Variants in EMC2 observed in about 807,000 individuals in gnomAD.
EMC2 encodes the protein ER membrane protein complex subunit 2.
Under a neutral mutation model 51.6 loss-of-function variants are expected in EMC2, and 37 were observed. The ratio of observed to expected loss-of-function variants is 0.72; its 90% CI spans 0.55 to 0.94. EMC2 has a LOEUF of 0.94. EMC2 is among the 40% of genes least tolerant of loss of function. The pLI is 0.00. For synonymous variants in EMC2, 131 were observed against 112.4 expected (o/e 1.17, Z -1.04); for missense variants, 359 against 350.9 (o/e 1.02, Z -0.18).
At chr8:108,451,896 T>A (rs146714875) in intron 3 of EMC2, among the ~76,000 whole-genome samples, 3 of 152,330 alleles carry the variant, frequency 2.0e-5, no homozygotes, top group Admixed American at 6.5e-5. Context: ...AATGAACATA[T>A]CTTCACTTTT....
chr8:108,471,082 G>A (rs1208052307), intron 7 of EMC2: 1 of 151,872 alleles, frequency 6.6e-6, no homozygotes. Context: ...CTATATTCTA[G>A]GAACTGTTTT....
Position 108,468,351 on chromosome 8 carries a change from G to A in EMC2, c.364-1475G>A, listed in dbSNP as rs766972800. On this transcript the variant is annotated intron_variant, in intron 5 of 10. Coordinates refer to ENST00000220853, the MANE Select transcript of EMC2 (RefSeq NM_014673.5). ...TTGTGGCACATTTTTGTTTTACTTA[G>A]TAAACTTATTTTAAAAATATTTGCT... 1.9e-4 allele frequency among the ~76,000 whole-genome samples: 29 copies of A among 152,154 alleles called. No individual in the cohort carries two copies. The South Asian group carries it at 3.5e-3, about 18-fold the overall frequency.
intron 5 of EMC2, among the ~76,000 whole-genome samples, chr8:108,459,380 G>A (rs561973538): frequency 6.6e-6 from 1 of 152,226 alleles, no homozygotes; most frequent in South Asian, 2.1e-4. Context: ...ACATACCCGA[G>A]AAGACTGGGC....
intron 4 of EMC2, among the ~76,000 whole-genome samples, chr8:108,453,380 T>C (rs1180844306): frequency 1.3e-5 from 2 of 152,178 alleles, no homozygotes; most frequent in Non-Finnish European, 2.9e-5. Context: ...AAAATTGCGT[T>C]ATTTTACCTT....
chr8:108,470,902 C>T (rs1586188742), intron 7 of EMC2: 1 of 152,016 alleles, frequency 6.6e-6, no homozygotes, highest in Non-Finnish European at 1.5e-5. Flanking sequence ...AATATTTAAC[C>T]TTGTTCTCAT....
Position 108,463,258 on chromosome 8 carries a change from G to C in EMC2, c.364-6568G>C, listed in dbSNP as rs1045738683. Among the ~76,000 whole-genome samples the C allele has an allele frequency of 3.3e-5, 5 of 152,346 alleles. No homozygotes were observed. The South Asian group carries it at 1.0e-3, about 32-fold the overall frequency. On this transcript the variant is annotated intron_variant, in intron 5 of 10. Coordinates refer to ENST00000220853, the MANE Select transcript of EMC2 (RefSeq NM_014673.5). ...AAATAGGATATATTTTGAAGGAGATGAGAAAAGTAATTTGGAGGCTGTTCT... is the reference window on the plus strand; with the variant it reads ...AAATAGGATATATTTTGAAGGAGATCAGAAAAGTAATTTGGAGGCTGTTCT...
intron 10 of EMC2, among the ~76,000 whole-genome samples, chr8:108,483,260 G>T (rs1272736009): frequency 6.6e-6 from 1 of 152,102 alleles, no homozygotes; most frequent in Non-Finnish European, 1.5e-5. Flanking sequence ...TAATTTACAT[G>T]TAATCAAGTG....
intron 1 of EMC2, 58 bp from the exon 2 acceptor site, chr8:108,449,765 G>C: frequency 1.4e-6 from 1 of 689,858 alleles, no homozygotes; most frequent in Non-Finnish European, 2.5e-6. Context: ...ACATCTATCG[G>C]ATGTGTATGT....
At chr8:108,464,244 A>G (rs905708193) in intron 5 of EMC2, 2 of 152,232 alleles carry the variant, frequency 1.3e-5, no homozygotes, top group Admixed American at 6.5e-5. Flanking sequence ...TAGTTAACTG[A>G]AAAAGGGTTC....
intron 10 of EMC2, among the ~76,000 whole-genome samples, chr8:108,479,332 A>G (rs1380726417): frequency 1.3e-5 from 2 of 152,130 alleles, no homozygotes; most frequent in African/African-American, 4.8e-5. Flanking sequence ...GCCTTACCAT[A>G]TGGAAATCTC....
intron 5 of EMC2, among the ~76,000 whole-genome samples, chr8:108,462,213 T>TGTGTGCGTGTGTGTGTGTG (rs1819343248): frequency 8.2e-6 from 1 of 122,496 alleles, no homozygotes; most frequent in Non-Finnish European, 2.0e-5. Context: ...TGTGTGTGTT[T>TGTGTGCGTGTGTGTGTGTG]TGTGTGCGTG....
At chr8:108,483,216 G>C (rs187255600) in intron 10 of EMC2, among the ~76,000 whole-genome samples, 57 of 152,198 alleles carry the variant, frequency 3.7e-4, no homozygotes, top group Admixed American at 3.7e-3. Flanking sequence ...TGTCTCTTCA[G>C]TGTGACAAGA....
chr8:108,458,606 C>A (rs1426214623), intron 5 of EMC2, among the ~76,000 whole-genome samples: 2 of 152,206 alleles, frequency 1.3e-5, no homozygotes, highest in South Asian at 4.2e-4. Flanking sequence ...TGGTCCCTTT[C>A]GGCCACAGGG....
At chr8:108,459,890 G>A (rs1465939784) in intron 5 of EMC2, among the ~76,000 whole-genome samples, 1 of 152,058 alleles carries the variant, frequency 6.6e-6, no homozygotes, top group Non-Finnish European at 1.5e-5. Flanking sequence ...GCTTCTATAA[G>A]CTAATGTAGA....
chr8:108,448,080 G>C (rs1818923501), intron 1 of EMC2, among the ~76,000 whole-genome samples: 1 of 151,950 alleles, frequency 6.6e-6, no homozygotes, highest in African/African-American at 2.4e-5. Context: ...TGCCTGTGAA[G>C]AACTGGTAAG....
chr8:108,456,004 A>AAAGT (rs10682656), intron 5 of EMC2, 74 bp downstream of exon 5: 12 of 573,896 alleles, frequency 2.1e-5, no homozygotes, highest in Non-Finnish European at 3.3e-5. Context: ...GAAATAATAG[A>AAAGT]TACATAAGGA....
chr8:108,458,512 T>C (rs368073739), intron 5 of EMC2, among the ~76,000 whole-genome samples: 1 of 152,142 alleles, frequency 6.6e-6, no homozygotes, highest in Non-Finnish European at 1.5e-5. Flanking sequence ...TCTTGACTTC[T>C]TTGCACTCAC....
intron 7 of EMC2, chr8:108,471,086 C>T (rs984969809): frequency 4.0e-5 from 6 of 151,894 alleles, no homozygotes; most frequent in Non-Finnish European, 5.9e-5. Flanking sequence ...ATTCTAGGAA[C>T]TGTTTTTCAA....
At chr8:108,449,192 C>T (rs114550236) in intron 1 of EMC2, among the ~76,000 whole-genome samples, 2,567 of 151,838 alleles carry the variant, frequency 0.017, 83 homozygotes, top group African/African-American at 0.059. Flanking sequence ...CAGGTCACTG[C>T]AGCATCAACC....
Sources: gnomAD v4.1 joint callset for allele counts (sites outside exome capture counted in the v4.1 genomes callset) on GRCh38, gnomAD v4.1.1 for gene constraint, MANE v1.5 for transcripts, NCBI Gene and HGNC (gene_info 2026-07-23, HGNC 2026-07-21) for gene names.